Variants in OSBPL10 observed in about 807,000 individuals in gnomAD.
OSBPL10 encodes the protein oxysterol-binding protein-related protein 10.
In OSBPL10, 49 loss-of-function variants were observed where a neutral mutation model predicts 81.7. That is an observed-to-expected ratio of 0.60 (90% confidence interval 0.48 to 0.76). The LOEUF (loss-of-function observed/expected upper bound fraction) is 0.76. Among genes scored for constraint, OSBPL10 ranks in the 30% least tolerant of loss-of-function variants. OSBPL10 has a pLI of 0.00. For missense variants in OSBPL10, 923 were observed against 987.8 expected (o/e 0.93, Z 0.88); for synonymous variants, 419 against 383.6 (o/e 1.09, Z -1.08).
intron 1 of OSBPL10, among the ~76,000 whole-genome samples, chr3:31,909,431 G>T (rs1003593132): frequency 6.6e-6 from 1 of 151,868 alleles, no homozygotes; most frequent in Non-Finnish European, 1.5e-5. Flanking sequence ...CTGGCATAAC[G>T]GAAAATGAAA....
intron 4 of OSBPL10, among the ~76,000 whole-genome samples, chr3:31,828,529 A>ACTTATT (rs1181713885): frequency 6.6e-6 from 1 of 152,122 alleles, no homozygotes; most frequent in Non-Finnish European, 1.5e-5. Flanking sequence ...GCTAATAGCT[A>ACTTATT]CTTTTTCTTT....
intron 4 of OSBPL10, chr3:31,794,961 T>G: frequency 9.2e-6 from 3 of 326,756 alleles, no homozygotes; most frequent in Non-Finnish European, 1.9e-5. Context: ...GTAAAGTCCA[T>G]GTGTCACAGG....
At chr3:31,693,358 T>C (rs1397398548) in intron 7 of OSBPL10, among the ~76,000 whole-genome samples, 1 of 152,216 alleles carries the variant, frequency 6.6e-6, no homozygotes, top group Non-Finnish European at 1.5e-5. Flanking sequence ...AAAAAGGCTG[T>C]ATGCCTAAGA....
At chr3:31,846,036 A>G (rs1221482295) in intron 3 of OSBPL10, among the ~76,000 whole-genome samples, 1 of 152,186 alleles carries the variant, frequency 6.6e-6, no homozygotes, top group East Asian at 1.9e-4. Context: ...CTTTTGAGAC[A>G]GGGTCTCACT....
upstream of OSBPL10, among the ~76,000 whole-genome samples, chr3:31,984,582 A>G (rs914769514): frequency 6.6e-6 from 1 of 152,134 alleles, no homozygotes; most frequent in African/African-American, 2.4e-5. Context: ...AAGTTTTACA[A>G]TAGTGGTGTT....
intron 4 of OSBPL10, among the ~76,000 whole-genome samples, chr3:31,760,294 A>T (rs13069171): frequency 6.6e-6 from 1 of 152,114 alleles, no homozygotes; most frequent in Non-Finnish European, 1.5e-5. Context: ...AAATCCACAT[A>T]TCAGTGGGCC....
chr3:31,964,864 A>T (rs1698270150), intron 1 of OSBPL10, among the ~76,000 whole-genome samples: 1 of 152,160 alleles, frequency 6.6e-6, no homozygotes, highest in Non-Finnish European at 1.5e-5. Flanking sequence ...GGAAAATCTG[A>T]ATATGAATGG....
chr3:32,070,447 C>A (rs1004139120), intron 1 of OSBPL10, among the ~76,000 whole-genome samples: 3 of 152,144 alleles, frequency 2.0e-5, no homozygotes, highest in Non-Finnish European at 4.4e-5. Flanking sequence ...TCTTCCCAAC[C>A]CAAAGCCTCC....
chr3:31,809,233 G>C (rs1199997567), intron 4 of OSBPL10, among the ~76,000 whole-genome samples: 1 of 152,118 alleles, frequency 6.6e-6, no homozygotes, highest in Admixed American at 6.5e-5. Flanking sequence ...AACAATAAAA[G>C]AATATATTTA....
chr3:32,010,371 G>C (rs1053644361), intron 2 of OSBPL10, among the ~76,000 whole-genome samples: 9 of 152,114 alleles, frequency 5.9e-5, no homozygotes, highest in Admixed American at 5.2e-4. Flanking sequence ...AGCCCTAGCA[G>C]ACTAATACAG....
intron 3 of OSBPL10, among the ~76,000 whole-genome samples, chr3:31,832,673 C>A (rs1432236148): frequency 1.3e-5 from 2 of 152,128 alleles, no homozygotes; most frequent in African/African-American, 4.8e-5. Context: ...TGGTGCATAA[C>A]AGGGGCTAAT....
At chr3:31,823,086 CT>C in intron 4 of OSBPL10, among the ~76,000 whole-genome samples, 1 of 151,968 alleles carries the variant, frequency 6.6e-6, no homozygotes, top group African/African-American at 2.4e-5. Flanking sequence ...ACTATCATCA[CT>C]TTTCCCCATG....
chr3:31,831,020 G>A (rs546219380), intron 3 of OSBPL10, among the ~76,000 whole-genome samples: 1 of 152,262 alleles, frequency 6.6e-6, no homozygotes, highest in South Asian at 2.1e-4. Flanking sequence ...TCAGATCACA[G>A]ATCTCGAATG....
chr3:31,838,343 T>C (rs1186814783), intron 3 of OSBPL10, among the ~76,000 whole-genome samples: 1 of 151,836 alleles, frequency 6.6e-6, no homozygotes, highest in Non-Finnish European at 1.5e-5. Context: ...ACCCCGTCTT[T>C]ACTAAGAATA....
chr3:31,925,234 G>T (rs1026703943), intron 1 of OSBPL10, among the ~76,000 whole-genome samples: 1 of 151,944 alleles, frequency 6.6e-6, no homozygotes, highest in South Asian at 2.1e-4. Flanking sequence ...TCCCTTGCCC[G>T]GGAGGTTTTA....
intron 2 of OSBPL10, chr3:32,030,251 T>C (rs1174989826): frequency 3.0e-6 from 1 of 333,328 alleles, no homozygotes; most frequent in African/African-American, 2.2e-5. Flanking sequence ...TCCAGGCCTT[T>C]TAGAAAACAT....
chr3:31,905,542 G>T (rs1176472359), intron 1 of OSBPL10, among the ~76,000 whole-genome samples: 1 of 151,576 alleles, frequency 6.6e-6, no homozygotes, highest in African/African-American at 2.4e-5. Flanking sequence ...TAGAGACATG[G>T]TTTCGCCATG....
At chr3:31,880,968 T>G (rs1695557324) in intron 1 of OSBPL10, among the ~76,000 whole-genome samples, 2 of 152,008 alleles carry the variant, frequency 1.3e-5, no homozygotes, top group African/African-American at 4.8e-5. Context: ...GCAGATGGAG[T>G]GAAGCAGGTC....
intron 4 of OSBPL10, among the ~76,000 whole-genome samples, chr3:31,762,274 T>G (rs766099372): frequency 6.6e-6 from 1 of 152,172 alleles, no homozygotes; most frequent in Non-Finnish European, 1.5e-5. Context: ...TATCTTTCTC[T>G]TCTCACTCTT....
Sources: gnomAD v4.1 joint callset for allele counts (sites outside exome capture counted in the v4.1 genomes callset) on GRCh38, gnomAD v4.1.1 for gene constraint, MANE v1.5 for transcripts, NCBI Gene and HGNC (gene_info 2026-07-23, HGNC 2026-07-21) for gene names.